The following LSAMP variants were observed in gnomAD, a reference collection of about 807,000 sequenced individuals.
LSAMP encodes limbic system associated membrane protein, also known as limbic system-associated membrane protein.
A neutral mutation model predicts 38.6 loss-of-function variants in LSAMP; 7 were observed. The ratio of observed to expected loss-of-function variants is 0.18; its 90% confidence interval spans 0.10 to 0.34. The LOEUF (loss-of-function observed/expected upper bound fraction) is 0.34. LSAMP is among the 10% of genes least tolerant of loss of function. LSAMP has a pLI of 1.00. For missense variants in LSAMP, 313 were observed against 420.0 expected, an observed-to-expected ratio of 0.75 and a Z score of 2.23; for synonymous variants, 154 against 166.8, an observed-to-expected ratio of 0.92 and a Z score of 0.59.
intron 6 of LSAMP, among the ~76,000 whole-genome samples, chr3:115,827,337 T>TC (rs1934453635): frequency 4.3e-5 from 1 of 23,414 alleles, no homozygotes; most frequent in African/African-American, 5.6e-5. Flanking sequence ...TTTCTACTGC[T>TC]TTTTTTTTTT....
chr3:116,411,264 T>TC (rs2107840097), intron 1 of LSAMP, among the ~76,000 whole-genome samples: 1 of 152,122 alleles, frequency 6.6e-6, no homozygotes, highest in East Asian at 1.9e-4. Context: ...GACCCAGCCA[T>TC]CCCATTACTG....
At chr3:116,407,265 T>C (rs1003860052) in intron 1 of LSAMP, among the ~76,000 whole-genome samples, 1 of 152,092 alleles carries the variant, frequency 6.6e-6, no homozygotes, top group African/African-American at 2.4e-5. Flanking sequence ...CAAACACCTA[T>C]GTGAAGCAGA....
chr3:116,403,561 C>T (rs540154142), intron 1 of LSAMP, among the ~76,000 whole-genome samples: 55 of 151,948 alleles, frequency 3.6e-4, no homozygotes, highest in Middle Eastern at 6.8e-3. Context: ...TAACTAAATC[C>T]AAATTAATAA....
At chr3:116,398,552 C>G (rs1198095853) in intron 1 of LSAMP, among the ~76,000 whole-genome samples, 1 of 152,070 alleles carries the variant, frequency 6.6e-6, no homozygotes, top group East Asian at 1.9e-4. Context: ...AAGAGACGGT[C>G]CTTGGACTAT....
chr3:116,127,576 C>T (rs531744177), intron 1 of LSAMP, among the ~76,000 whole-genome samples: 1 of 152,032 alleles, frequency 6.6e-6, no homozygotes, highest in East Asian at 1.9e-4. Flanking sequence ...CAAAAATACT[C>T]ACATTTAAAA....
chr3:116,102,899 GAAT>G (rs1354978229), intron 1 of LSAMP, among the ~76,000 whole-genome samples: 2 of 152,024 alleles, frequency 1.3e-5, no homozygotes, highest in Admixed American at 1.3e-4. Context: ...TCAATCAAAT[GAAT>G]AATAATACAT....
intron 1 of LSAMP, among the ~76,000 whole-genome samples, chr3:116,428,877 T>C (rs954652018): frequency 1.3e-5 from 2 of 152,226 alleles, no homozygotes; most frequent in Non-Finnish European, 2.9e-5. Context: ...TTCTTGGGAA[T>C]ATTTTCAGCT....
rs375713985 is a variant in LSAMP, at chr3:115,867,404, A to G, written c.515-14787T>C. 2.3e-3 allele frequency among the ~76,000 whole-genome samples: 345 copies of G among 152,242 alleles called. 4 individuals carry two copies. The highest frequency in any genetic ancestry group is 8.0e-3 in the African/African-American group (332 of 41,572). On this transcript the variant is annotated intron_variant, in intron 3 of 6. Transcript: ENST00000490035. ...TTAATTTTCTAGTGGGAAAAACTTCACAATTTCAAGATGAAAAAGTTAAGC... is the reference window on the plus strand; with the variant it reads ...TTAATTTTCTAGTGGGAAAAACTTCGCAATTTCAAGATGAAAAAGTTAAGC...
At chr3:115,825,384 C>T (rs1576114945) in intron 6 of LSAMP, among the ~76,000 whole-genome samples, 1 of 152,326 alleles carries the variant, frequency 6.6e-6, no homozygotes, top group East Asian at 1.9e-4. Context: ...ATGTCAGTGA[C>T]TCCAAATATA....
intron 1 of LSAMP, among the ~76,000 whole-genome samples, chr3:116,394,667 T>C (rs1177088514): frequency 6.6e-6 from 1 of 151,314 alleles, no homozygotes; most frequent in African/African-American, 2.5e-5. Flanking sequence ...AGATCCTTGA[T>C]GCTTGATATC....
At chr3:115,970,632 T>G (rs1350639089) in intron 3 of LSAMP, among the ~76,000 whole-genome samples, 3 of 152,190 alleles carry the variant, frequency 2.0e-5, no homozygotes, top group African/African-American at 2.4e-5. Flanking sequence ...TGCTTAGACT[T>G]ATTATGTACA....
At chr3:115,866,253 A>T (rs1168305665) in intron 3 of LSAMP, among the ~76,000 whole-genome samples, 1 of 152,104 alleles carries the variant, frequency 6.6e-6, no homozygotes, top group Admixed American at 6.6e-5. Context: ...TAGACACTAG[A>T]TTCATGACAA....
intron 3 of LSAMP, among the ~76,000 whole-genome samples, chr3:115,946,676 C>T (rs533809205): frequency 1.3e-5 from 2 of 152,110 alleles, no homozygotes; most frequent in East Asian, 1.9e-4. Flanking sequence ...GCAAGCCCTT[C>T]GTTGGAAAAT....
chr3:116,300,155 T>C (rs1156945166), intron 1 of LSAMP, among the ~76,000 whole-genome samples: 1 of 152,058 alleles, frequency 6.6e-6, no homozygotes, highest in African/African-American at 2.4e-5. Context: ...GGGAACACGG[T>C]CCCATTTTTT....
At chr3:115,949,849 T>A (rs1002615648) in intron 3 of LSAMP, among the ~76,000 whole-genome samples, 3 of 150,788 alleles carry the variant, frequency 2.0e-5, no homozygotes, top group Admixed American at 6.6e-5. Flanking sequence ...AGCAACAAAA[T>A]ACTACTGAAT....
At chr3:115,834,009 T>C (rs953487672) in intron 6 of LSAMP, among the ~76,000 whole-genome samples, 4 of 152,134 alleles carry the variant, frequency 2.6e-5, no homozygotes, top group African/African-American at 4.8e-5. Context: ...TTTTCATTTA[T>C]GTTTTCTAAG....
At chr3:116,132,878 C>A (rs1709166050) in intron 1 of LSAMP, among the ~76,000 whole-genome samples, 1 of 152,162 alleles carries the variant, frequency 6.6e-6, no homozygotes, top group Non-Finnish European at 1.5e-5. Context: ...GTGAGAGAAC[C>A]TCTGTCTCCC....
chr3:116,304,005 A>G (rs938154188), intron 1 of LSAMP, among the ~76,000 whole-genome samples: 15 of 152,122 alleles, frequency 9.9e-5, no homozygotes, highest in African/African-American at 3.6e-4. Context: ...ATCATCCTGA[A>G]GGGGTAATAA....
At chr3:116,130,305 A>G (rs1241137484) in intron 1 of LSAMP, among the ~76,000 whole-genome samples, 2 of 152,148 alleles carry the variant, frequency 1.3e-5, no homozygotes, top group Non-Finnish European at 2.9e-5. Context: ...CAACAAGCTG[A>G]TGGGTAATTT....
Sources: gnomAD v4.1 joint callset for allele counts (sites outside exome capture counted in the v4.1 genomes callset) on GRCh38, gnomAD v4.1.1 for gene constraint, MANE v1.5 for transcripts, NCBI Gene and HGNC (gene_info 2026-07-23, HGNC 2026-07-21) for gene names.